Variants in EML1 observed in about 807,000 individuals in gnomAD.
EML1 encodes echinoderm microtubule-associated protein-like 1.
EML1 carries 27 observed loss-of-function variants against 110.4 expected under a neutral mutation model. The observed-to-expected ratio is 0.24, with a 90% CI of 0.18 to 0.34. The LOEUF (loss-of-function observed/expected upper bound fraction) is 0.34, where lower values mean the gene tolerates loss of function less well. Among genes scored for constraint, EML1 ranks in the 10% least tolerant of loss-of-function variants. EML1 has a pLI of 1.00. For missense variants in EML1, 741 were observed against 1,030.9 expected (o/e 0.72, Z 3.85); for synonymous variants, 344 against 385.8 (o/e 0.89, Z 1.27).
At chr14:99,841,777 CAT>C (rs1282439104) in intron 1 of EML1, among the ~76,000 whole-genome samples, 1 of 152,086 alleles carries the variant, frequency 6.6e-6, no homozygotes, top group African/African-American at 2.4e-5. Context: ...ACCCTGTGCC[CAT>C]AGAGTCAGCA....
intron 1 of EML1, among the ~76,000 whole-genome samples, chr14:99,839,659 A>G (rs141159541): frequency 2.0e-5 from 3 of 152,354 alleles, no homozygotes; most frequent in East Asian, 1.9e-4. Context: ...CTTTTAATCA[A>G]TATTCGATGA....
chr14:99,771,075 C>T (rs1363518305), upstream of EML1, among the ~76,000 whole-genome samples: 6 of 152,154 alleles, frequency 3.9e-5, no homozygotes, highest in Non-Finnish European at 4.4e-5. Flanking sequence ...TGAGCCACCG[C>T]GCCCGGCCTC....
At chr14:99,912,831 T>G (rs1011333989) in intron 13 of EML1, among the ~76,000 whole-genome samples, 2 of 152,246 alleles carry the variant, frequency 1.3e-5, no homozygotes, top group Non-Finnish European at 1.5e-5. Flanking sequence ...TATTCACTGT[T>G]TGTTAGTATC....
At chr14:99,811,829 A>G (rs981698901) in intron 1 of EML1, among the ~76,000 whole-genome samples, 7 of 151,642 alleles carry the variant, frequency 4.6e-5, no homozygotes, top group African/African-American at 1.7e-4. Flanking sequence ...AGAGAGAGAG[A>G]GAAAGGAAGG....
chr14:99,793,471 C>A lies in EML1; in HGVS notation c.-6C>A. 9.5e-7 allele frequency: 1 copy of A among 1,049,096 alleles called. No individual in the cohort carries two copies. The highest frequency in any genetic ancestry group is 1.2e-6 in the Non-Finnish European group (1 of 869,068). 65.0% of individuals were successfully genotyped at this position (1,049,096 alleles called of 1,614,324 possible). A position where few individuals can be genotyped will look rare whatever the true frequency, so the allele number is the denominator to read the frequency against. On this transcript the variant is annotated 5_prime_UTR_variant, in exon 1 of 22. Coordinates refer to ENST00000262233, the MANE Select transcript of EML1 (RefSeq NM_004434.3). ...CGGGGAGCGGGCGCGGCCCGGCGGC[C>A]TCAGCATGGAGGACGGCTTCTCCAG...
chr14:99,810,676 A>G (rs72708374), intron 1 of EML1, among the ~76,000 whole-genome samples: 3,542 of 152,320 alleles, frequency 0.023, 70 homozygotes, highest in Middle Eastern at 0.051. Flanking sequence ...TCAGTTTTCT[A>G]TGCCATAAAG....
chr14:99,898,316 C>T lies in EML1; in HGVS notation c.897+14C>T. ...AAGGATGGAAAAGTGAGTTACGTTA[C>T]CTTTTCATTGTTTCATAATGAACTG... On this transcript the variant is annotated intron_variant, in intron 8 of 21. Transcript: ENST00000262233. The T allele has an allele frequency of 6.2e-7, 1 of 1,606,478 alleles. No homozygotes were observed. The highest frequency in any genetic ancestry group is 8.5e-7 in the Non-Finnish European group (1 of 1,175,944).
chr14:99,939,388 T>C lies in EML1; in HGVS notation c.2322+61T>C. ...ATGGGGCATGCACGTACACCCGACC[T>C]GTTTGGAGACTAAGTGGAAATGGGC... On this transcript the variant is annotated intron_variant, in intron 21 of 21. Transcript: ENST00000262233. The surrounding 1 kb of genome is among the most constrained non-coding windows in gnomAD (Gnocchi z 4.2). 1.3e-6 allele frequency: 2 copies of C among 1,596,462 alleles called. No homozygotes were observed. Among genetic ancestry groups the C allele is most frequent in the South Asian group, 1.1e-5 (1 of 88,852 alleles).
chr14:99,896,947 A>G (rs1421376600), intron 6 of EML1, among the ~76,000 whole-genome samples, 198 bp from the exon 7 acceptor site: 3 of 152,200 alleles, frequency 2.0e-5, no homozygotes, highest in African/African-American at 7.2e-5. Flanking sequence ...CATTACATCA[A>G]TGACTGTTTC....
At chr14:99,785,894 G>C (rs1398042055) in intron 1 of EML1, among the ~76,000 whole-genome samples, 1 of 151,990 alleles carries the variant, frequency 6.6e-6, no homozygotes, top group Non-Finnish European at 1.5e-5. Context: ...TAGAGATGTG[G>C]CTGGGGAGGC....
In EML1 at chr14:99,810,107, G is replaced by A. The variant is rs1424320224; in HGVS notation, c.67+16564G>A. The stretch of plus-strand genomic sequence containing the variant: ...TCCCCAGTGTTTGAGTGATGTTTAC[G>A]TGGAAGCCTGGCGTGTAGGAAGCTG... On this transcript the variant is annotated intron_variant, in intron 1 of 21. Transcript: ENST00000262233. 9.9e-5 allele frequency among the ~76,000 whole-genome samples: 15 copies of A among 152,254 alleles called. No individual in the cohort carries two copies. The East Asian group carries it at 2.5e-3, about 26-fold the overall frequency.
intron 1 of EML1, among the ~76,000 whole-genome samples, chr14:99,821,085 C>T (rs1221049594): frequency 6.7e-6 from 1 of 149,568 alleles, no homozygotes; most frequent in African/African-American, 2.5e-5. Context: ...TGCAGTGACA[C>T]GGTCATAGCT....
At chr14:99,826,105 A>ATTTTTTTTTTGTTTTTTTTT in intron 1 of EML1, among the ~76,000 whole-genome samples, 1 of 79,962 alleles carries the variant, frequency 1.3e-5, no homozygotes, top group Non-Finnish European at 2.3e-5. Context: ...CTGTGCATTG[A>ATTTTTTTTTTGTTTTTTTTT]TTTTTTTTTT....
chr14:99,745,445 A>T (rs2057097434), intron 1 of EML1, among the ~76,000 whole-genome samples: 1 of 152,204 alleles, frequency 6.6e-6, no homozygotes, highest in Non-Finnish European at 1.5e-5. Context: ...TTTAAATAAA[A>T]CTTTACAGTA....
intron 1 of EML1, among the ~76,000 whole-genome samples, chr14:99,783,057 T>C (rs960184613): frequency 6.6e-6 from 1 of 152,008 alleles, no homozygotes; most frequent in African/African-American, 2.4e-5. Context: ...GTTTATTACA[T>C]ATGTATACAT....
chr14:99,751,593 G>A (rs188882464), intron 1 of EML1, among the ~76,000 whole-genome samples: 1 of 152,276 alleles, frequency 6.6e-6, no homozygotes, highest in East Asian at 1.9e-4. Context: ...ATCAGGGACG[G>A]GGTGTCAGAA....
At chr14:99,937,592 A>C (rs2060498110) in intron 19 of EML1, among the ~76,000 whole-genome samples, 2 of 152,146 alleles carry the variant, frequency 1.3e-5, no homozygotes, top group African/African-American at 4.8e-5. Context: ...GAGATGGGAA[A>C]AAAACAAAGA....
At position 99,936,477 on chromosome 14, in the gene EML1, C is replaced by T. The variant is rs1296610933; in HGVS notation, c.2095+143C>T. The T allele has an allele frequency of 1.3e-6, 1 of 751,452 alleles. No homozygotes were observed. Among genetic ancestry groups the T allele is most frequent in the Non-Finnish European group, 2.2e-6 (1 of 457,252 alleles). The allele number at this position is 751,452 out of a possible 1,614,324, so 46.5% of individuals were successfully genotyped here. ...TAGGTCATGGTTTCCGCCTCTGTAA[C>T]GTAGGGGAGTGGGGCTGCGTGGCTT... On this transcript the variant is annotated intron_variant, in intron 19 of 21. Coordinates refer to ENST00000262233, the MANE Select transcript of EML1 (RefSeq NM_004434.3). The surrounding 1 kb of genome is among the most constrained non-coding windows in gnomAD (Gnocchi z 5.5).
chr14:99,921,605 C>T (rs556316788), intron 17 of EML1, among the ~76,000 whole-genome samples: 2 of 152,304 alleles, frequency 1.3e-5, no homozygotes, highest in South Asian at 4.1e-4. Context: ...TGATGATCAG[C>T]TCTCAGCCAG....
Sources: allele counts gnomAD v4.1 joint callset (sites outside exome capture counted in the v4.1 genomes callset), GRCh38; gene constraint gnomAD v4.1.1; non-coding constraint Gnocchi (gnomAD v3.1); transcripts MANE v1.5; gene names NCBI Gene and HGNC (gene_info 2026-07-23, HGNC 2026-07-21).